RNPC3: variants seen among roughly 807,000 people sequenced by gnomAD.
RNPC3 encodes RNA binding region (RNP1, RRM) containing 3, also known as RNA-binding region-containing protein 3.
RNPC3 carries 48 observed loss-of-function variants against 67.5 expected under a neutral mutation model. The observed-to-expected ratio is 0.71, with a 90% confidence interval of 0.56 to 0.90. The LOEUF (loss-of-function observed/expected upper bound fraction) is 0.90, where lower values mean the gene tolerates loss of function less well. Ranked by LOEUF, RNPC3 falls within the 40% of genes least tolerant of loss-of-function variation. RNPC3 has a pLI of 0.00. For synonymous variants in RNPC3, 239 were observed against 210.3 expected (o/e 1.14, Z -1.18); for missense variants, 637 against 626.1 (o/e 1.02, Z -0.19).
rs1290024396 is a variant in RNPC3, at chr1:103,535,303, G to A, written c.444-27G>A. On this transcript the variant is annotated intron_variant, in intron 4 of 14. Coordinates refer to ENST00000423855, the MANE Select transcript of RNPC3 (RefSeq NM_017619.4). ...CTGATATGAAATTATGAAAACATAA[G>A]CATCTTAAATGTTTTTTGTTTTATA... 19 of 1,385,118 alleles carry A rather than the reference G, an allele frequency of 1.4e-5. No individual in the cohort carries two copies. In the South Asian group the frequency reaches 2.2e-4, roughly 16 times the overall value. 85.8% of individuals were successfully genotyped at this position (1,385,118 alleles called of 1,614,324 possible). A position where few individuals can be genotyped will look rare whatever the true frequency, so the allele number is the denominator to read the frequency against.
chr1:103,551,941 C>G, intron 14 of RNPC3, 149 bp downstream of exon 14: 1 of 470,988 alleles, frequency 2.1e-6, no homozygotes, highest in Non-Finnish European at 3.7e-6. Context: ...CATTAAACGT[C>G]AAAACTATAA....
intron 2 of RNPC3, among the ~76,000 whole-genome samples, chr1:103,529,176 T>C (rs1383531066): frequency 1.3e-5 from 2 of 152,176 alleles, no homozygotes; most frequent in Admixed American, 1.3e-4. Context: ...TACACCAAAA[T>C]GTTAAAAACA....
Position 103,541,339 on chromosome 1 carries a change from C to G in RNPC3, c.768-11C>G, listed in dbSNP as rs1422968886. ...AGGAAATTTTGTTTATCATCCCTCT[C>G]CTCATTGTAGAATGAACAAATTAAT... On this transcript the variant is annotated splice_polypyrimidine_tract_variant and intron_variant, in intron 7 of 14. Transcript: ENST00000423855. 6.7e-7 allele frequency: 1 copy of G among 1,500,926 alleles called. No homozygotes were observed. 93.0% of individuals were successfully genotyped at this position (1,500,926 alleles called of 1,614,324 possible).
intron 14 of RNPC3, chr1:103,553,739 T>C (rs1165200228): frequency 6.6e-6 from 1 of 152,248 alleles, no homozygotes; most frequent in Non-Finnish European, 1.5e-5. Flanking sequence ...TTTTAAAAAG[T>C]ACTTACATTG....
chr1:103,541,623 A>G, intron 8 of RNPC3, 148 bp downstream of exon 8: 1 of 670,368 alleles, frequency 1.5e-6, no homozygotes, highest in Non-Finnish European at 2.3e-6. Flanking sequence ...ACAAATATTC[A>G]TAATTCTCTC....
intron 2 of RNPC3, among the ~76,000 whole-genome samples, chr1:103,528,345 T>C (rs1650765449): frequency 6.6e-6 from 1 of 152,182 alleles, no homozygotes; most frequent in Admixed American, 6.5e-5. Context: ...AGATATCTGG[T>C]ATAGTTCATA....
intron 3 of RNPC3, among the ~76,000 whole-genome samples, chr1:103,534,368 A>G (rs36133328): frequency 0.11 from 15,982 of 152,022 alleles, 1,104 homozygotes; most frequent in Non-Finnish European, 0.15. Flanking sequence ...GATGGAAGGG[A>G]TGGGAAAATG....
chr1:103,541,366 G>A lies in RNPC3; in HGVS notation c.784G>A (p.Glu262Lys). 1 of 1,502,534 alleles carries A rather than the reference G, an allele frequency of 6.7e-7. No homozygotes were observed. The highest frequency in any genetic ancestry group is 1.3e-5 in the South Asian group (1 of 79,474). 93.1% of individuals were successfully genotyped at this position (1,502,534 alleles called of 1,614,324 possible). The change falls in exon 8 of 15, where the codon GAA becomes AAA. Residue 262 changes from glutamate to lysine, a missense_variant. This residue lies in a region of RNPC3 where 536 missense variants were observed against 500.3 expected (regional missense o/e 1.07). Coordinates refer to ENST00000423855, the MANE Select transcript of RNPC3 (RefSeq NM_017619.4). ...EDRQRMNKLMELANLQPKRPK... is the reference protein window; with the variant it reads ...EDRQRMNKLMKLANLQPKRPK... ...TCATTGTAGAATGAACAAATTAATG[G>A]AACTAGCAAATCTTCAGCCCAAAAG...
intron 12 of RNPC3, among the ~76,000 whole-genome samples, chr1:103,548,687 C>T (rs565289601): frequency 6.6e-6 from 1 of 151,234 alleles, no homozygotes; most frequent in South Asian, 2.1e-4. Flanking sequence ...CAACGTCTGC[C>T]TGTTACCCAG....
chr1:103,535,475 G>C, intron 5 of RNPC3, 34 bp downstream of exon 5: 1 of 1,288,512 alleles, frequency 7.8e-7, no homozygotes, highest in Non-Finnish European at 1.1e-6. Flanking sequence ...AAAAGGACTT[G>C]TTGTATAGCT....
rs1650675237 is a variant in RNPC3, at chr1:103,525,709, G to A, written c.-362G>A. The A allele has an allele frequency of 6.4e-6, 1 of 156,744 alleles. No individual in the cohort carries two copies. The highest frequency in any genetic ancestry group is 1.4e-5 in the Non-Finnish European group (1 of 70,812). The allele number at this position is 156,744 out of a possible 1,614,324, so 9.7% of individuals were successfully genotyped here. On this transcript the variant is annotated 5_prime_UTR_variant, in exon 1 of 15. Transcript: ENST00000423855. ...CCAGCCCGCACATGCGCAGTCGTGA[G>A]TCCTCTTGTCCTTGAGCGTCAACCT... is the stretch of plus-strand genomic sequence containing the variant.
At position 103,525,920 on chromosome 1, in the gene RNPC3, C is replaced by A. The variant is rs1650689806; in HGVS notation, c.-151C>A. The A allele has an allele frequency of 1.5e-6, 1 of 657,370 alleles. No individual in the cohort carries two copies. The highest frequency in any genetic ancestry group is 2.5e-6 in the Non-Finnish European group (1 of 393,272). The allele number at this position is 657,370 out of a possible 1,614,324, so 40.7% of individuals were successfully genotyped here. A position where few individuals can be genotyped will look rare whatever the true frequency, so the allele number is the denominator to read the frequency against. On this transcript the variant is annotated 5_prime_UTR_variant, in exon 1 of 15. Coordinates refer to ENST00000423855, the MANE Select transcript of RNPC3 (RefSeq NM_017619.4). The stretch of plus-strand genomic sequence containing the variant: ...GTTGCCGCTTTTCGGTGGCGCAGTT[C>A]TCGCGAGAAGGTGACTTTCTTTCTC...
chr1:103,545,172 A>C, intron 10 of RNPC3, 70 bp downstream of exon 10: 1 of 1,248,274 alleles, frequency 8.0e-7, no homozygotes, highest in Non-Finnish European at 1.1e-6. Context: ...AACAAAACAA[A>C]TCTGTCATGC....
At chr1:103,539,605 G>A (rs1651071206) in intron 7 of RNPC3, among the ~76,000 whole-genome samples, 1 of 152,190 alleles carries the variant, frequency 6.6e-6, no homozygotes, top group African/African-American at 2.4e-5. Flanking sequence ...TTCCATTAAA[G>A]GATGTAGTGA....
chr1:103,527,337 A>G (rs964372268), intron 1 of RNPC3, among the ~76,000 whole-genome samples: 4 of 152,248 alleles, frequency 2.6e-5, no homozygotes, highest in Non-Finnish European at 5.9e-5. Context: ...ATTGTTATGT[A>G]TAGAGGAAAG....
chr1:103,547,658 G>C (rs1484117990), intron 12 of RNPC3, among the ~76,000 whole-genome samples: 2 of 152,300 alleles, frequency 1.3e-5, no homozygotes, highest in East Asian at 3.9e-4. Flanking sequence ...TTCTTATTCT[G>C]ACAGTAGATT....
chr1:103,526,993 G>C (rs895238533), intron 1 of RNPC3, among the ~76,000 whole-genome samples: 3 of 151,288 alleles, frequency 2.0e-5, no homozygotes, highest in Admixed American at 6.6e-5. Flanking sequence ...ATTTTGATCA[G>C]TTTAAATGTC....
At chr1:103,553,187 A>C (rs1651441052) in intron 14 of RNPC3, 1 of 152,190 alleles carries the variant, frequency 6.6e-6, no homozygotes, top group South Asian at 2.1e-4. Flanking sequence ...GATGGATTTC[A>C]GTCTGTATTT....
chr1:103,531,208 T>TTA lies in RNPC3; in HGVS notation c.241-2518_241-2517dup, dbSNP rs753430538. Among the ~76,000 whole-genome samples the TTA allele has an allele frequency of 1.1e-3, 165 of 151,768 alleles. 1 individual carries two copies. The highest frequency in any genetic ancestry group is 2.1e-3 in the South Asian group (10 of 4,810). On this transcript the variant is annotated intron_variant, in intron 2 of 14. Coordinates refer to ENST00000423855, the MANE Select transcript of RNPC3 (RefSeq NM_017619.4). The stretch of plus-strand genomic sequence containing the variant: ...TTTTATGACTGAGTAGTATTCCATG[T>TTA]TATATATATATATACCATAATTTCT...
Sources: allele counts gnomAD v4.1 joint callset (sites outside exome capture counted in the v4.1 genomes callset), GRCh38; gene constraint gnomAD v4.1.1; regional missense constraint gnomAD v4.1.1; transcripts MANE v1.5; gene names NCBI Gene and HGNC (gene_info 2026-07-23, HGNC 2026-07-21).